Variants in DESI2 observed in about 807,000 individuals in gnomAD.
The protein encoded by DESI2 is deubiquitinase DESI2.
Under a neutral mutation model 24.1 loss-of-function variants are expected in DESI2, and 10 were observed. The observed-to-expected ratio is 0.41, with a 90% confidence interval of 0.26 to 0.70. The LOEUF (loss-of-function observed/expected upper bound fraction) is 0.70, where lower values mean the gene tolerates loss of function less well. DESI2 is among the 30% of genes least tolerant of loss of function. DESI2 has a pLI of 0.29. For synonymous variants in DESI2, 71 were observed against 87.7 expected (o/e 0.81, Z 1.06); for missense variants, 122 against 234.9 (o/e 0.52, Z 3.14).
chr1:244,698,051 C>G (rs941639208), intron 4 of DESI2, among the ~76,000 whole-genome samples: 3 of 152,130 alleles, frequency 2.0e-5, no homozygotes, highest in African/African-American at 7.2e-5. Context: ...GGTGCCGGGC[C>G]AGGGTGGGGT....
intron 1 of DESI2, among the ~76,000 whole-genome samples, chr1:244,654,178 G>C (rs1387722346): frequency 1.3e-5 from 2 of 152,166 alleles, no homozygotes; most frequent in African/African-American, 2.4e-5. Context: ...AAAAGCACCC[G>C]GTAGAGAATT....
At chr1:244,678,787 G>A (rs1007662409) in intron 1 of DESI2, among the ~76,000 whole-genome samples, 11 of 152,160 alleles carry the variant, frequency 7.2e-5, no homozygotes, top group Non-Finnish European at 7.4e-5. Context: ...GCTGCAAGAA[G>A]AGAATAGCCC....
rs551489666 is a variant in DESI2, at chr1:244,691,602, T to C, written c.210-277T>C. On this transcript the variant is annotated intron_variant, in intron 3 of 4. Transcript: ENST00000302550. ...TTGTGAAAATAACTGTAATATTACA[T>C]GTTACATAAGGACATATATTTCATA... Among the ~76,000 whole-genome samples the C allele has an allele frequency of 2.0e-5, 3 of 152,348 alleles. No homozygotes were observed. In the South Asian group the frequency reaches 6.2e-4, roughly 32 times the overall value.
intron 3 of DESI2, among the ~76,000 whole-genome samples, chr1:244,690,524 G>A (rs1305663928): frequency 1.3e-5 from 2 of 152,026 alleles, no homozygotes; most frequent in South Asian, 4.2e-4. Context: ...TGGGCAACAC[G>A]GTGAAACCCC....
chr1:244,653,769 G>C, intron 1 of DESI2: 1 of 335,672 alleles, frequency 3.0e-6, no homozygotes, highest in Non-Finnish European at 5.8e-6. Context: ...TGCTTCTGCC[G>C]AACTGTCCGT....
intron 1 of DESI2, among the ~76,000 whole-genome samples, chr1:244,662,121 T>G: frequency 6.6e-6 from 1 of 152,240 alleles, no homozygotes; most frequent in Non-Finnish European, 1.5e-5. Context: ...TGAGAAGGTA[T>G]CTCATTGTGG....
intron 1 of DESI2, 83 bp from the exon 2 acceptor site, chr1:244,686,514 A>T: frequency 1.2e-6 from 1 of 844,508 alleles, no homozygotes; most frequent in South Asian, 1.4e-5. Flanking sequence ...AGAGTGAAAG[A>T]CTGGGGAGCA....
chr1:244,702,370 C>G (rs373055668), intron 4 of DESI2, among the ~76,000 whole-genome samples: 172 of 152,178 alleles, frequency 1.1e-3, no homozygotes, highest in African/African-American at 3.7e-3. Flanking sequence ...AAAAGTTAGC[C>G]AGGTGTGGTG....
At chr1:244,679,765 G>C (rs1676539252) in intron 1 of DESI2, among the ~76,000 whole-genome samples, 1 of 150,924 alleles carries the variant, frequency 6.6e-6, no homozygotes, top group Non-Finnish European at 1.5e-5. Flanking sequence ...CCCTTGCATG[G>C]CTGAGGCACA....
intron 4 of DESI2, among the ~76,000 whole-genome samples, chr1:244,701,594 C>G (rs1323699392): frequency 6.6e-6 from 1 of 152,218 alleles, no homozygotes; most frequent in Non-Finnish European, 1.5e-5. Flanking sequence ...GCCTTGAAAC[C>G]TAATGTTGGA....
intron 4 of DESI2, among the ~76,000 whole-genome samples, chr1:244,696,058 C>G (rs897389997): frequency 2.6e-5 from 4 of 152,328 alleles, no homozygotes; most frequent in Admixed American, 2.0e-4. Context: ...GCATGAGCCA[C>G]TGCACCTGGC....
intron 4 of DESI2, among the ~76,000 whole-genome samples, chr1:244,702,374 T>A (rs1287058100): frequency 6.6e-6 from 1 of 151,866 alleles, no homozygotes; most frequent in Non-Finnish European, 1.5e-5. Context: ...GTTAGCCAGG[T>A]GTGGTGGTGC....
chr1:244,671,399 A>C (rs192250484), intron 1 of DESI2, among the ~76,000 whole-genome samples: 1 of 152,102 alleles, frequency 6.6e-6, no homozygotes, highest in Admixed American at 6.6e-5. Flanking sequence ...GCCGGCCCCC[A>C]GTGTCATTAT....
In DESI2 at chr1:244,707,249, T is replaced by G. The variant is rs1486966032; in HGVS notation, c.*1460T>G. On this transcript the variant is annotated 3_prime_UTR_variant, in exon 5 of 5. Coordinates refer to ENST00000302550, the MANE Select transcript of DESI2 (RefSeq NM_016076.5). ...GCTCTGTGTGAGGATACATAATCTT[T>G]CAGTAAACTGTATTTTTAACTTTTC... 1 of 152,636 alleles carries G rather than the reference T, an allele frequency of 6.6e-6. No homozygotes were observed. Among genetic ancestry groups the G allele is most frequent in the African/African-American group, 2.4e-5 (1 of 41,458 alleles). 9.5% of individuals were successfully genotyped at this position (152,636 alleles called of 1,614,324 possible).
intron 4 of DESI2, among the ~76,000 whole-genome samples, chr1:244,693,505 C>T (rs1677101078): frequency 6.6e-6 from 1 of 151,944 alleles, no homozygotes; most frequent in Non-Finnish European, 1.5e-5. Context: ...CATCTTGGCT[C>T]ACCACAACCT....
Position 244,666,621 on chromosome 1 carries a change from G to A in DESI2, c.42+13266G>A, listed in dbSNP as rs901015473. ...CCTAACAAATAAGTGAACAAGAACT[G>A]TTTTAATCAGTCTCATTCATTCTGA... On this transcript the variant is annotated intron_variant, in intron 1 of 4. Coordinates refer to ENST00000302550, the MANE Select transcript of DESI2 (RefSeq NM_016076.5). Among the ~76,000 whole-genome samples, 5 of 152,148 alleles carry A rather than the reference G, an allele frequency of 3.3e-5. No homozygotes were observed. The South Asian group carries it at 8.3e-4, about 25-fold the overall frequency.
intron 4 of DESI2, among the ~76,000 whole-genome samples, chr1:244,703,945 C>T (rs143149296): frequency 6.6e-6 from 1 of 152,114 alleles, no homozygotes; most frequent in Non-Finnish European, 1.5e-5. Context: ...AGGTGTGAGC[C>T]ACCGCGCTGG....
Position 244,705,706 on chromosome 1 carries a change from G to C in DESI2, c.502G>C (p.Glu168Gln). 1 of 1,614,040 alleles carries C rather than the reference G, an allele frequency of 6.2e-7. No homozygotes were observed. ...SVSQELQDEL[E>Q]EAEDAAASAS... is the part of the protein sequence containing the mutation. ...CAGCCAAGAACTCCAGGATGAACTGGAGGAAGCAGAGGATGCTGCCGCATC... is the reference window on the plus strand; with the variant it reads ...CAGCCAAGAACTCCAGGATGAACTGCAGGAAGCAGAGGATGCTGCCGCATC... Residue 168 changes from glutamate (E) to glutamine (Q), a missense_variant, in exon 5 of 5, where the codon GAG becomes CAG. Glu to Gln is a conservative substitution (Grantham distance 29). Transcript: ENST00000302550.
At chr1:244,694,081 A>C (rs1346630588) in intron 4 of DESI2, among the ~76,000 whole-genome samples, 2 of 152,248 alleles carry the variant, frequency 1.3e-5, no homozygotes, top group Non-Finnish European at 2.9e-5. Context: ...AAGCAAAATC[A>C]TCACTATATT....
Sources: gnomAD v4.1 joint callset for allele counts (sites outside exome capture counted in the v4.1 genomes callset) on GRCh38, gnomAD v4.1.1 for gene constraint, MANE v1.5 for transcripts, NCBI Gene and HGNC (gene_info 2026-07-23, HGNC 2026-07-21) for gene names.